Variants in FAM98A observed in about 807,000 individuals in gnomAD.
FAM98A encodes tRNA splicing ligase complex subunit 3A, also known as protein FAM98A.
A neutral mutation model predicts 62.9 loss-of-function variants in FAM98A; 25 were observed. The ratio of observed to expected loss-of-function variants is 0.40; its 90% CI spans 0.29 to 0.56. The LOEUF (loss-of-function observed/expected upper bound fraction) is 0.56, where lower values mean the gene tolerates loss of function less well. Ranked by LOEUF, FAM98A falls within the 20% of genes least tolerant of loss-of-function variation. The pLI is 0.51. For synonymous variants in FAM98A, 252 were observed against 228.6 expected (o/e 1.10, Z -0.92); for missense variants, 653 against 640.7 (o/e 1.02, Z -0.21).
In FAM98A at chr2:33,584,951, C is replaced by T. The variant is rs1381779666; in HGVS notation, c.1382G>A (p.Arg461His). 4.3e-6 allele frequency: 7 copies of T among 1,614,100 alleles called. No homozygotes were observed. The highest frequency in any genetic ancestry group is 2.2e-5 in the East Asian group (1 of 44,876). ...GCCTCCACGACCACCTCGCCCACCA[C>T]GACCACCACCACGATCACCATGGTG... ...GGHHGDRGGG[R>H]GGRGGRGGRG... The change falls in exon 8 of 8, where the codon CGT becomes CAT. Residue 461 changes from arginine (R) to histidine (H), a missense_variant. Arg to His is a conservative substitution (Grantham distance 29, BLOSUM62 0). Transcript: ENST00000238823.
Position 33,599,199 on chromosome 2 carries a change from G to T in FAM98A, c.23C>A (p.Thr8Asn). 6.2e-7 allele frequency: 1 copy of T among 1,614,006 alleles called. No homozygotes were observed. Among genetic ancestry groups the T allele is most frequent in the Non-Finnish European group, 8.5e-7 (1 of 1,179,860 alleles). ...ATCTTCCAACGACTCCAAGATGTCAGTCTCCATGAGGTCACACTCCATGCT... is the reference window on the plus strand; with the variant it reads ...ATCTTCCAACGACTCCAAGATGTCATTCTCCATGAGGTCACACTCCATGCT... MECDLMETDILESLEDLG... is the reference protein window; with the variant it reads MECDLMENDILESLEDLG... The change falls in exon 1 of 8, where the codon ACT becomes AAT. Residue 8 changes from threonine to asparagine, a missense_variant. Transcript: ENST00000238823.
chr2:33,594,226 TTAA>T (rs1342793523), intron 2 of FAM98A, among the ~76,000 whole-genome samples: 1 of 152,132 alleles, frequency 6.6e-6, no homozygotes, highest in Non-Finnish European at 1.5e-5. Context: ...TATACTCTCC[TTAA>T]TAATTAGAAC....
chr2:33,589,634 G>T (rs554694176), intron 3 of FAM98A: 25 of 152,248 alleles, frequency 1.6e-4, no homozygotes, highest in African/African-American at 5.5e-4. Flanking sequence ...TTCTGGAAAG[G>T]TCATTCTAAA....
intron 3 of FAM98A, chr2:33,589,245 G>C (rs528096545): frequency 6.6e-6 from 1 of 152,266 alleles, no homozygotes; most frequent in African/African-American, 2.4e-5. Context: ...TCATCCCCTT[G>C]TGTGCTGATT....
At chr2:33,590,130 G>C (rs1345366555) in intron 3 of FAM98A, among the ~76,000 whole-genome samples, 4 of 151,954 alleles carry the variant, frequency 2.6e-5, no homozygotes, top group African/African-American at 4.8e-5. Flanking sequence ...AATCTAGTTA[G>C]GAATAAAGAG....
At chr2:33,586,730 G>T in intron 5 of FAM98A, 52 bp from the exon 6 acceptor site, 2 of 1,221,646 alleles carry the variant, frequency 1.6e-6, no homozygotes, top group Non-Finnish European at 2.4e-6. Flanking sequence ...TTGATTCTCT[G>T]TCCCAAAAGG....
Position 33,585,095 on chromosome 2 carries a change from T to C in FAM98A, c.1238A>G (p.His413Arg), listed in dbSNP as rs1454421388. The change falls in exon 8 of 8, where the codon CAC becomes CGC. Residue 413 changes from histidine to arginine, a missense_variant. His to Arg is a conservative substitution (Grantham distance 29). Transcript: ENST00000238823. ...GFQPGGYHGG[H>R]SSGGYQGGGY... Reference sequence around the variant, plus strand: ...TCCGCCTTGATAGCCACCACTGCTGTGGCCACCATGATAGCCACCTGGCTG... The same window carrying C: ...TCCGCCTTGATAGCCACCACTGCTGCGGCCACCATGATAGCCACCTGGCTG... The C allele has an allele frequency of 2.5e-6, 4 of 1,614,202 alleles. No homozygotes were observed. Among genetic ancestry groups the C allele is most frequent in the Admixed American group, 3.3e-5 (2 of 60,020 alleles).
intron 1 of FAM98A, 141 bp from the exon 2 acceptor site, chr2:33,595,778 A>C: frequency 1.8e-6 from 1 of 563,546 alleles, no homozygotes; most frequent in Non-Finnish European, 2.9e-6. Flanking sequence ...AAATGGACAA[A>C]TATAAACATA....
rs773846093 is a variant in FAM98A, at chr2:33,585,501, T to C, written c.888+29A>G. The C allele has an allele frequency of 6.8e-6, 11 of 1,613,558 alleles. No homozygotes were observed. The African/African-American group carries it at 1.1e-4, about 16-fold the overall frequency. The stretch of plus-strand genomic sequence containing the variant: ...ATTTTATGAACAGAAATAAATGCAT[T>C]TGGAAAAAATTAAAGGTACTCTAAT... On this transcript the variant is annotated intron_variant, in intron 7 of 7. Transcript: ENST00000238823.
intron 2 of FAM98A, among the ~76,000 whole-genome samples, chr2:33,594,366 A>T (rs140156083): frequency 2.2e-3 from 339 of 151,876 alleles, no homozygotes; most frequent in African/African-American, 7.9e-3. Context: ...AAAAATGAGA[A>T]CACATGGACA....
chr2:33,588,625 G>T (rs1677609264), intron 3 of FAM98A, 106 bp from the exon 4 acceptor site: 2 of 720,796 alleles, frequency 2.8e-6, no homozygotes, highest in Non-Finnish European at 2.1e-6. Flanking sequence ...TGTTAAAGCT[G>T]CAAGAATGGA....
intron 2 of FAM98A, among the ~76,000 whole-genome samples, chr2:33,594,205 T>C (rs1489189770): frequency 1.3e-5 from 2 of 152,178 alleles, no homozygotes; most frequent in Non-Finnish European, 1.5e-5. Flanking sequence ...TTGCTATCAT[T>C]ACTGTTACAC....
Position 33,599,153 on chromosome 2 carries a change from GC to G in FAM98A, c.53+15del. 6.2e-7 allele frequency: 1 copy of G among 1,611,108 alleles called. No individual in the cohort carries two copies. On this transcript the variant is annotated intron_variant, in intron 1 of 7. Coordinates refer to ENST00000238823, the MANE Select transcript of FAM98A (RefSeq NM_015475.5). ...GCAGCGTGGGGCTTGGGAGACCCGT[GC>G]CCTGACAATCTTACCCTAGATCTTC...
At chr2:33,586,845 C>G in intron 5 of FAM98A, 167 bp from the exon 6 acceptor site, 2 of 586,284 alleles carry the variant, frequency 3.4e-6, no homozygotes, top group Non-Finnish European at 6.1e-6. Context: ...TGATAGGTGA[C>G]AAAAAGCTGA....
At chr2:33,587,821 T>C (rs562977682) in intron 4 of FAM98A, among the ~76,000 whole-genome samples, 80 of 151,662 alleles carry the variant, frequency 5.3e-4, no homozygotes, top group African/African-American at 1.9e-3. Flanking sequence ...TGATAATGTG[T>C]GGTATAAAAA....
intron 2 of FAM98A, among the ~76,000 whole-genome samples, chr2:33,594,686 T>C (rs866986089): frequency 2.3e-4 from 3 of 13,176 alleles, no homozygotes; most frequent in East Asian, 6.7e-4. Context: ...TATACACACA[T>C]ATATATACAC....
chr2:33,589,387 T>A (rs937966284), intron 3 of FAM98A: 3 of 152,206 alleles, frequency 2.0e-5, no homozygotes, highest in African/African-American at 7.2e-5. Flanking sequence ...ATCATTTGAA[T>A]CTTAGGATTT....
rs573575800 is a variant in FAM98A, at chr2:33,585,040, T to C, written c.1293A>G (p.Ser431=). The C allele has an allele frequency of 6.2e-6, 10 of 1,614,016 alleles. No individual in the cohort carries two copies. In the South Asian group the frequency reaches 8.8e-5, roughly 14 times the overall value. Residue 431 remains serine (S), a synonymous_variant, in exon 8 of 8, where the codon TCA becomes TCG. Coordinates refer to ENST00000238823, the MANE Select transcript of FAM98A (RefSeq NM_015475.5). ...CACCCTGGTATCCACTTCCTGTATA[T>C]GAAGAAGATGTTTGGAAGCCACCAT... is the stretch of plus-strand genomic sequence containing the variant. ...GGYGGFQTSS[S]YTGSGYQGGG...
intron 1 of FAM98A, among the ~76,000 whole-genome samples, chr2:33,598,312 T>C (rs1433316304): frequency 1.3e-5 from 2 of 152,238 alleles, no homozygotes; most frequent in South Asian, 2.1e-4. Context: ...ATACCGTACC[T>C]GTAGGTAAGT....
Sources: allele counts gnomAD v4.1 joint callset (sites outside exome capture counted in the v4.1 genomes callset), GRCh38; gene constraint gnomAD v4.1.1; transcripts MANE v1.5; gene names NCBI Gene and HGNC (gene_info 2026-07-23, HGNC 2026-07-21).